Variants in MCTP1 observed in about 807,000 individuals in gnomAD.
MCTP1 encodes the protein multiple C2 and transmembrane domain-containing protein 1.
In MCTP1, 69 loss-of-function variants were observed where a neutral mutation model predicts 120.6. The observed-to-expected ratio is 0.57, with a 90% CI of 0.47 to 0.70. MCTP1 has a LOEUF of 0.70. Ranked by LOEUF, MCTP1 falls within the 30% of genes least tolerant of loss-of-function variation. The pLI is 0.00. For synonymous variants in MCTP1, 529 were observed against 493.1 expected (o/e 1.07, Z -0.96); for missense variants, 1,203 against 1,248.8 (o/e 0.96, Z 0.55).
chr5:94,981,223 G>T (rs1829336525), intron 2 of MCTP1, among the ~76,000 whole-genome samples: 1 of 148,998 alleles, frequency 6.7e-6, no homozygotes, highest in African/African-American at 2.4e-5. Flanking sequence ...GGTTTCCACT[G>T]GTAAGTTTAA....
intron 5 of MCTP1, among the ~76,000 whole-genome samples, chr5:94,936,416 G>C (rs925170401): frequency 6.6e-6 from 1 of 152,024 alleles, no homozygotes; most frequent in African/African-American, 2.4e-5. Flanking sequence ...TTGAGAGAAG[G>C]TGAACTGAGA....
At chr5:95,143,673 T>C (rs1469654101) in intron 1 of MCTP1, among the ~76,000 whole-genome samples, 1 of 152,218 alleles carries the variant, frequency 6.6e-6, no homozygotes, top group African/African-American at 2.4e-5. Flanking sequence ...TTTCTGTTCC[T>C]GCATTAATTC....
intron 1 of MCTP1, among the ~76,000 whole-genome samples, chr5:95,092,752 A>C (rs997573415): frequency 5.9e-5 from 9 of 152,202 alleles, no homozygotes; most frequent in African/African-American, 2.2e-4. Context: ...ATTTTCAAAA[A>C]TAATAAATAA....
intron 17 of MCTP1, among the ~76,000 whole-genome samples, chr5:94,844,581 T>C (rs957981907): frequency 4.6e-5 from 7 of 152,030 alleles, no homozygotes; most frequent in African/African-American, 1.7e-4. Flanking sequence ...TCTGGGCTTG[T>C]GGAGGTAGAG....
chr5:95,195,513 T>G (rs1447740932), intron 1 of MCTP1, among the ~76,000 whole-genome samples: 1 of 152,114 alleles, frequency 6.6e-6, no homozygotes, highest in East Asian at 1.9e-4. Flanking sequence ...GCAGCCCGTA[T>G]TTTTCAAGAG....
chr5:95,213,583 T>A (rs1752665284), intron 1 of MCTP1, among the ~76,000 whole-genome samples: 1 of 151,790 alleles, frequency 6.6e-6, no homozygotes, highest in African/African-American at 2.4e-5. Flanking sequence ...AGAACAAAGC[T>A]GGAGGCATCA....
intron 2 of MCTP1, among the ~76,000 whole-genome samples, chr5:95,006,960 G>T (rs1281458024): frequency 6.6e-6 from 1 of 152,092 alleles, no homozygotes; most frequent in Non-Finnish European, 1.5e-5. Context: ...GTATTAGTCT[G>T]TTCTCATGCT....
At position 94,870,782 on chromosome 5, in the gene MCTP1, G is replaced by A; in HGVS notation, c.2241+90C>T. The A allele has an allele frequency of 3.2e-6, 3 of 942,372 alleles. No homozygotes were observed. The South Asian group carries it at 4.2e-5, about 13-fold the overall frequency. 58.4% of individuals were successfully genotyped at this position (942,372 alleles called of 1,614,324 possible). Reference sequence around the variant, plus strand: ...CACATGAAGGTTTAGAGAAAATGAGGAATGACAGAAATTCTCTACAAATCA... The same window carrying A: ...CACATGAAGGTTTAGAGAAAATGAGAAATGACAGAAATTCTCTACAAATCA... On this transcript the variant is annotated intron_variant, in intron 15 of 22. Coordinates refer to ENST00000515393, the MANE Select transcript of MCTP1 (RefSeq NM_024717.7).
chr5:95,085,007 G>C (rs1267760002), intron 1 of MCTP1, among the ~76,000 whole-genome samples: 1 of 152,066 alleles, frequency 6.6e-6, no homozygotes, highest in Non-Finnish European at 1.5e-5. Context: ...ATGTCTGTTT[G>C]GCTCTATTTT....
intron 19 of MCTP1, among the ~76,000 whole-genome samples, chr5:94,718,671 A>G (rs1443544215): frequency 6.6e-6 from 1 of 152,196 alleles, no homozygotes; most frequent in African/African-American, 2.4e-5. Context: ...GAAAAAAATC[A>G]TTAAAAAGTA....
In MCTP1 at chr5:95,089,063, T is replaced by C. The variant is rs1755654786; in HGVS notation, c.721-71579A>G. On this transcript the variant is annotated intron_variant, in intron 1 of 22. Coordinates refer to ENST00000515393, the MANE Select transcript of MCTP1 (RefSeq NM_024717.7). ...TCATTTATGTCATATCATTCCTCTT[T>C]ATTATATACCAATTAGAAAAACTGC... Among the ~76,000 whole-genome samples the C allele has an allele frequency of 2.0e-5, 3 of 152,228 alleles. No homozygotes were observed. In the South Asian group the frequency reaches 6.2e-4, roughly 31 times the overall value.
intron 1 of MCTP1, among the ~76,000 whole-genome samples, chr5:95,254,636 T>G (rs1757697893): frequency 6.6e-6 from 1 of 152,202 alleles, no homozygotes; most frequent in South Asian, 2.1e-4. Flanking sequence ...ACATGGATAC[T>G]ATGTTAAGAT....
intron 1 of MCTP1, among the ~76,000 whole-genome samples, chr5:95,040,223 G>A (rs1842101203): frequency 6.6e-6 from 1 of 152,134 alleles, no homozygotes; most frequent in African/African-American, 2.4e-5. Context: ...ATCACCTGAG[G>A]TCAGGAGTTT....
At chr5:94,868,954 TTATCTATCTATC>T (rs770558504) in intron 16 of MCTP1, among the ~76,000 whole-genome samples, 1 of 151,848 alleles carries the variant, frequency 6.6e-6, no homozygotes, top group African/African-American at 2.4e-5. Context: ...TACTATCATA[TTATCTATCTATC>T]TATCTATCTT....
intron 18 of MCTP1, among the ~76,000 whole-genome samples, chr5:94,779,938 G>C (rs952705500): frequency 6.6e-6 from 1 of 152,054 alleles, no homozygotes; most frequent in African/African-American, 2.4e-5. Flanking sequence ...CCTTTGCCTT[G>C]ATCAACATAT....
At chr5:94,848,081 TAGAA>T (rs575231124) in intron 17 of MCTP1, among the ~76,000 whole-genome samples, 221 of 152,082 alleles carry the variant, frequency 1.5e-3, no homozygotes, top group Non-Finnish European at 2.5e-3. Flanking sequence ...TTGTAGCTAA[TAGAA>T]AGAACATTTT....
intron 1 of MCTP1, among the ~76,000 whole-genome samples, chr5:95,018,041 G>A (rs975683705): frequency 6.6e-6 from 1 of 151,936 alleles, no homozygotes; most frequent in Admixed American, 6.6e-5. Context: ...ATATATTCTC[G>A]ATGGGGCTAA....
chr5:94,949,387 G>A (rs1437894765), intron 3 of MCTP1, among the ~76,000 whole-genome samples: 2 of 152,016 alleles, frequency 1.3e-5, no homozygotes, highest in Non-Finnish European at 2.9e-5. Context: ...TTAACTCCCA[G>A]TTTCTATTCT....
intron 1 of MCTP1, among the ~76,000 whole-genome samples, chr5:95,116,104 A>G (rs1582282659): frequency 6.6e-6 from 1 of 152,168 alleles, no homozygotes; most frequent in East Asian, 1.9e-4. Context: ...CCAGACAAAT[A>G]AAAGCTGAGA....
Sources: allele counts gnomAD v4.1 joint callset (sites outside exome capture counted in the v4.1 genomes callset), GRCh38; gene constraint gnomAD v4.1.1; transcripts MANE v1.5; gene names NCBI Gene and HGNC (gene_info 2026-07-23, HGNC 2026-07-21).